The following GFM2 variants were observed in gnomAD, a reference collection of about 807,000 sequenced individuals.
GFM2 encodes the protein ribosome-releasing factor 2, mitochondrial.
GFM2 carries 72 observed loss-of-function variants against 95.4 expected under a neutral mutation model. That is an observed-to-expected ratio of 0.76 (90% CI 0.62 to 0.92). GFM2 has a LOEUF of 0.92. Among genes scored for constraint, GFM2 ranks in the 40% least tolerant of loss-of-function variants. GFM2 has a pLI of 0.00. For missense variants in GFM2, 825 were observed against 924.1 expected (o/e 0.89, Z 1.39); for synonymous variants, 276 against 317.5 (o/e 0.87, Z 1.39).
intron 10 of GFM2, among the ~76,000 whole-genome samples, chr5:74,745,226 T>A (rs1743317394): frequency 1.3e-5 from 2 of 152,180 alleles, no homozygotes; most frequent in South Asian, 4.2e-4. Flanking sequence ...GTGCCTGTAA[T>A]CCCAGCTACC....
Position 74,727,358 on chromosome 5 carries a change from A to C in GFM2, c.1727-1232T>G, listed in dbSNP as rs896139212. On this transcript the variant is annotated intron_variant, in intron 17 of 20. Transcript: ENST00000296805. ...TTCTTTAGTGTTATATCACATATGC[A>C]TGTATTTCTAAGCAATAGTTTACTT... 3.9e-5 allele frequency among the ~76,000 whole-genome samples: 6 copies of C among 152,180 alleles called. 1 individual carries two copies. The highest frequency in any genetic ancestry group is 1.4e-4 in the African/African-American group (6 of 41,448).
chr5:74,742,429 C>T (rs1743157324), intron 10 of GFM2, among the ~76,000 whole-genome samples: 1 of 152,146 alleles, frequency 6.6e-6, no homozygotes, highest in African/African-American at 2.4e-5. Flanking sequence ...GTTATTTCAC[C>T]TCTCTGCCTT....
chr5:74,751,623 C>G, intron 5 of GFM2, 130 bp from the exon 6 acceptor site: 1 of 583,914 alleles, frequency 1.7e-6, no homozygotes, highest in Non-Finnish European at 2.9e-6. Context: ...TTAATAGAGC[C>G]TTTACTCTTT....
chr5:74,748,487 T>C (rs1014406431), intron 7 of GFM2, among the ~76,000 whole-genome samples: 4 of 152,198 alleles, frequency 2.6e-5, no homozygotes, highest in Admixed American at 2.0e-4. Flanking sequence ...CAAAATAGCA[T>C]GGCTTCTTTG....
At position 74,725,757 on chromosome 5, in the gene GFM2, T is replaced by C; in HGVS notation, c.1913-2A>G. The C allele has an allele frequency of 6.2e-7, 1 of 1,605,386 alleles. No homozygotes were observed. Among genetic ancestry groups the C allele is most frequent in the Non-Finnish European group, 8.5e-7 (1 of 1,172,410 alleles). On this transcript the variant is annotated splice_acceptor_variant, in intron 18 of 20. Coordinates refer to ENST00000296805, the MANE Select transcript of GFM2 (RefSeq NM_032380.5). LOFTEE classifies it high-confidence loss of function. The stretch of plus-strand genomic sequence containing the variant: ...GAATTGGGGATCCAAGCAATGGTCC[T>C]AGACAAGGGAAAAAAATTGTATCAT...
intron 7 of GFM2, among the ~76,000 whole-genome samples, chr5:74,749,054 G>A (rs1028059954): frequency 2.0e-5 from 3 of 151,006 alleles, no homozygotes; most frequent in African/African-American, 4.9e-5. Context: ...CTGTTGCCCA[G>A]GCTGGAATGC....
intron 5 of GFM2, among the ~76,000 whole-genome samples, chr5:74,753,441 A>G (rs1273579263): frequency 6.6e-6 from 1 of 152,120 alleles, no homozygotes; most frequent in East Asian, 1.9e-4. Context: ...CTACAAAAAT[A>G]CAAAAATTAG....
At chr5:74,732,039 T>A (rs1210028325) in intron 16 of GFM2, among the ~76,000 whole-genome samples, 1 of 151,736 alleles carries the variant, frequency 6.6e-6, no homozygotes, top group Non-Finnish European at 1.5e-5. Flanking sequence ...ACTGTGGCCT[T>A]GACCTCCCAG....
Position 74,721,326 on chromosome 5 carries a change from C to A in GFM2, c.*329G>T, listed in dbSNP as rs1749867312. ...TATCTTATTACATTTAGAGGCCTGG[C>A]ATCTTTCTTGTGAGACAAGCTTAAG... is the stretch of plus-strand genomic sequence containing the variant. On this transcript the variant is annotated 3_prime_UTR_variant, in exon 21 of 21. Coordinates refer to ENST00000296805, the MANE Select transcript of GFM2 (RefSeq NM_032380.5). 1.3e-6 allele frequency: 1 copy of A among 780,672 alleles called. No individual in the cohort carries two copies. The highest frequency in any genetic ancestry group is 1.5e-5 in the South Asian group (1 of 68,428). The allele number at this position is 780,672 out of a possible 1,614,324, so 48.4% of individuals were successfully genotyped here. A position where few individuals can be genotyped will look rare whatever the true frequency, so the allele number is the denominator to read the frequency against.
chr5:74,763,722 T>A lies in GFM2; in HGVS notation c.21A>T (p.Ile7=), dbSNP rs138108067. 1.2e-5 allele frequency: 19 copies of A among 1,607,302 alleles called. No homozygotes were observed. The highest frequency in any genetic ancestry group is 1.6e-5 in the Non-Finnish European group (19 of 1,174,620). Residue 7 remains isoleucine (I), a synonymous_variant, in exon 2 of 21, where the codon ATA becomes ATT. Transcript: ENST00000296805. ...GTATTGTCTGATGACTCATTGCAAA[T>A]ATCCTCAAGTTGGTCAACATCTTGA... is the stretch of plus-strand genomic sequence containing the variant. The part of the protein sequence containing the change: MLTNLR[I]FAMSHQTIPS...
At position 74,721,727 on chromosome 5, in the gene GFM2, T is replaced by A; in HGVS notation, c.2268A>T (p.Glu756Asp). Residue 756 changes from glutamate (E) to aspartate (D), a missense_variant, in exon 21 of 21, where the codon GAA becomes GAT. Coordinates refer to ENST00000296805, the MANE Select transcript of GFM2 (RefSeq NM_032380.5). ...LTSGSATFAL[E>D]LSTYQAMNPQ... is the part of the protein sequence containing the mutation. Reference sequence around the variant, plus strand: ...GATTCATGGCTTGATAAGTAGATAGTTCTAAGGCAAAAGTAGCTGAGCCTG... The same window carrying A: ...GATTCATGGCTTGATAAGTAGATAGATCTAAGGCAAAAGTAGCTGAGCCTG... 2 of 1,613,766 alleles carry A rather than the reference T, an allele frequency of 1.2e-6. No homozygotes were observed. The highest frequency in any genetic ancestry group is 1.7e-4 in the Middle Eastern group (1 of 6,060).
intron 16 of GFM2, 33 bp from the exon 17 acceptor site, chr5:74,730,431 G>C: frequency 6.8e-7 from 1 of 1,468,722 alleles, no homozygotes. Flanking sequence ...AAAAGATTAA[G>C]GGTAAATTAT....
intron 19 of GFM2, among the ~76,000 whole-genome samples, chr5:74,723,655 G>GTTTT (rs1255098902): frequency 6.6e-6 from 1 of 152,142 alleles, no homozygotes; most frequent in African/African-American, 2.4e-5. Context: ...CTTTAATGTA[G>GTTTT]TTTTTAAAGT....
intron 6 of GFM2, among the ~76,000 whole-genome samples, chr5:74,751,150 A>G (rs1282369249): frequency 1.3e-5 from 2 of 152,320 alleles, no homozygotes; most frequent in Non-Finnish European, 2.9e-5. Flanking sequence ...TCCAATGAAT[A>G]TAGTTTCATT....
At chr5:74,749,719 T>C (rs1410933928) in intron 7 of GFM2, among the ~76,000 whole-genome samples, 6 of 152,228 alleles carry the variant, frequency 3.9e-5, no homozygotes, top group African/African-American at 1.4e-4. Context: ...ATAATATGTT[T>C]ATCTAACATT....
At chr5:74,726,910 C>T (rs984328956) in intron 17 of GFM2, among the ~76,000 whole-genome samples, 1 of 152,058 alleles carries the variant, frequency 6.6e-6, no homozygotes, top group Non-Finnish European at 1.5e-5. Flanking sequence ...CACCTGTAAT[C>T]CCACCCAGCA....
Position 74,722,336 on chromosome 5 carries a change from TGAATTAAGAA to T in GFM2, c.2211+33_2211+42del, listed in dbSNP as rs750022497. On this transcript the variant is annotated intron_variant, in intron 20 of 20. Coordinates refer to ENST00000296805, the MANE Select transcript of GFM2 (RefSeq NM_032380.5). ...CTATTCATTGGCATATAATATCCCC[TGAATTAAGAA>T]GAATATGTACTTTTCAGTTACAAAG... The T allele has an allele frequency of 8.1e-6, 12 of 1,489,312 alleles. 1 individual carries two copies. In the South Asian group the frequency reaches 1.3e-4, roughly 16 times the overall value. 92.3% of individuals were successfully genotyped at this position (1,489,312 alleles called of 1,614,324 possible).
At position 74,745,821 on chromosome 5, in the gene GFM2, C is replaced by A. The variant is rs778047131; in HGVS notation, c.706G>T (p.Val236Leu). The A allele has an allele frequency of 2.1e-5, 34 of 1,612,464 alleles. No homozygotes were observed. The Admixed American group carries it at 5.0e-4, about 24-fold the overall frequency. ...IGEAKTFKGVVDVVMKEKLLW... is the reference protein window; with the variant it reads ...IGEAKTFKGVLDVVMKEKLLW... Reference sequence around the variant, plus strand: ...AGTTTTTCTTTCATTACTACATCCACCACTCCTTTGAAAGTTTTGGCTTCA... The same window carrying A: ...AGTTTTTCTTTCATTACTACATCCAACACTCCTTTGAAAGTTTTGGCTTCA... The change falls in exon 10 of 21, where the codon GTG (valine) becomes TTG (leucine). Residue 236 changes from valine (V) to leucine (L), a missense_variant. By Grantham distance (32) the Val-to-Leu change is conservative (BLOSUM62 1). Transcript: ENST00000296805.
intron 1 of GFM2, among the ~76,000 whole-genome samples, chr5:74,766,245 G>C (rs1744594557): frequency 6.6e-6 from 1 of 152,122 alleles, no homozygotes; most frequent in East Asian, 1.9e-4. Flanking sequence ...TCGAGGCTGC[G>C]GTGAGCCGAG....
Sources: allele counts gnomAD v4.1 joint callset (sites outside exome capture counted in the v4.1 genomes callset), GRCh38; gene constraint gnomAD v4.1.1; transcripts MANE v1.5; gene names NCBI Gene and HGNC (gene_info 2026-07-23, HGNC 2026-07-21).